Variants in CNOT10 observed in about 807,000 individuals in gnomAD.
The protein encoded by CNOT10 is CCR4-NOT transcription complex, subunit 10.
CNOT10 carries 30 observed loss-of-function variants against 94.6 expected under a neutral mutation model. That is an observed-to-expected ratio of 0.32 (90% CI 0.24 to 0.43). The LOEUF (loss-of-function observed/expected upper bound fraction) is 0.43. Among genes scored for constraint, CNOT10 ranks in the 20% least tolerant of loss-of-function variants. The probability of loss-of-function intolerance (pLI) is 1.00; values close to 1 mark genes in which losing one functional copy is unlikely to be tolerated. For missense variants in CNOT10, 759 were observed against 877.2 expected (o/e 0.87, Z 1.70); for synonymous variants, 289 against 301.6 (o/e 0.96, Z 0.43).
At chr3:32,764,602 G>A (rs1444885499) in intron 16 of CNOT10, 80 bp from the exon 17 acceptor site, 79 of 1,599,878 alleles carry the variant, frequency 4.9e-5, no homozygotes, top group Non-Finnish European at 8.5e-7. Flanking sequence ...GTGCCAAGTG[G>A]CTCCTCAAGG....
intron 8 of CNOT10, among the ~76,000 whole-genome samples, chr3:32,722,968 A>C (rs1240003321): frequency 6.6e-6 from 1 of 152,216 alleles, no homozygotes. Flanking sequence ...ATTTAAAAAT[A>C]TGTCAGAAGA....
chr3:32,728,132 G>A (rs1698768438), intron 10 of CNOT10, among the ~76,000 whole-genome samples: 1 of 151,902 alleles, frequency 6.6e-6, no homozygotes, highest in South Asian at 2.1e-4. Context: ...AAATAGCTGG[G>A]ACCACATGCA....
chr3:32,726,997 C>T (rs1334427594), intron 9 of CNOT10, among the ~76,000 whole-genome samples: 1 of 151,794 alleles, frequency 6.6e-6, no homozygotes, highest in African/African-American at 2.4e-5. Context: ...CAGGCACATG[C>T]CACCATGCCC....
intron 13 of CNOT10, chr3:32,753,043 C>A: frequency 4.0e-6 from 2 of 498,248 alleles, no homozygotes; most frequent in Non-Finnish European, 7.9e-6. Flanking sequence ...CCAAATGATG[C>A]ATAATATTAG....
At chr3:32,697,582 C>T (rs1472900462) in intron 1 of CNOT10, among the ~76,000 whole-genome samples, 1 of 152,116 alleles carries the variant, frequency 6.6e-6, no homozygotes, top group African/African-American at 2.4e-5. Flanking sequence ...ACGATTATCC[C>T]ACCTCACCTC....
intron 17 of CNOT10, among the ~76,000 whole-genome samples, chr3:32,768,426 A>G (rs1177409960): frequency 2.0e-5 from 3 of 152,138 alleles, no homozygotes; most frequent in East Asian, 1.9e-4. Flanking sequence ...TACTAAAAAT[A>G]CAAGAAATTA....
At chr3:32,704,046 A>T in intron 2 of CNOT10, 84 bp downstream of exon 2, 1 of 778,172 alleles carries the variant, frequency 1.3e-6, no homozygotes, top group African/African-American at 1.8e-5. Flanking sequence ...TTAAATTTAC[A>T]ATTTTTACTC....
chr3:32,752,725 C>T (rs556435290), intron 13 of CNOT10, among the ~76,000 whole-genome samples: 147 of 152,260 alleles, frequency 9.7e-4, no homozygotes, highest in African/African-American at 3.2e-3. Flanking sequence ...CCTGTAATCC[C>T]AGCACTTTGG....
chr3:32,770,483 G>A (rs372290784), intron 18 of CNOT10, among the ~76,000 whole-genome samples: 9 of 151,052 alleles, frequency 6.0e-5, no homozygotes, highest in Non-Finnish European at 4.4e-5. Flanking sequence ...CCGCCACCAC[G>A]CCCACCTAAT....
At chr3:32,721,046 CCTTT>C (rs1354110200) in intron 8 of CNOT10, among the ~76,000 whole-genome samples, 16 of 126,426 alleles carry the variant, frequency 1.3e-4, no homozygotes, top group African/African-American at 4.0e-4. Flanking sequence ...TCCTTCCCTT[CCTTT>C]CTTTCCTTTC....
chr3:32,768,323 T>G (rs930782457), intron 17 of CNOT10, among the ~76,000 whole-genome samples: 15 of 151,958 alleles, frequency 9.9e-5, no homozygotes, highest in Non-Finnish European at 1.5e-4. Context: ...GGCTCACATC[T>G]GTAATCCCAG....
chr3:32,685,614 C>T (rs1165901615), intron 1 of CNOT10, 132 bp downstream of exon 1: 3 of 961,070 alleles, frequency 3.1e-6, no homozygotes, highest in Non-Finnish European at 3.1e-6. Flanking sequence ...TTCTTTACCC[C>T]ATCCTCTGTC....
At chr3:32,728,752 G>A (rs889387863) in intron 10 of CNOT10, among the ~76,000 whole-genome samples, 2 of 152,186 alleles carry the variant, frequency 1.3e-5, no homozygotes, top group Non-Finnish European at 2.9e-5. Flanking sequence ...TGCTCCAGGG[G>A]TCAGGATACA....
At position 32,715,476 on chromosome 3, in the gene CNOT10, G is replaced by A. The variant is rs1698078990; in HGVS notation, c.574-749G>A. 2.6e-5 allele frequency among the ~76,000 whole-genome samples: 4 copies of A among 152,166 alleles called. No homozygotes were observed. In the South Asian group the frequency reaches 8.3e-4, roughly 31 times the overall value. Reference sequence around the variant, plus strand: ...GTGGGAGATGATGTTGGCAATATGAGTGTGAGTGATAGCTTGAAGAACTTT... The same window carrying A: ...GTGGGAGATGATGTTGGCAATATGAATGTGAGTGATAGCTTGAAGAACTTT... On this transcript the variant is annotated intron_variant, in intron 5 of 18. Transcript: ENST00000328834.
chr3:32,759,705 C>G, intron 14 of CNOT10, 134 bp downstream of exon 14: 2 of 692,372 alleles, frequency 2.9e-6, no homozygotes, highest in South Asian at 1.8e-5. Flanking sequence ...TTTAAAAGAA[C>G]GTTTTTTAAC....
intron 8 of CNOT10, among the ~76,000 whole-genome samples, chr3:32,723,264 G>A (rs1169868711): frequency 2.6e-5 from 4 of 151,986 alleles, no homozygotes; most frequent in Non-Finnish European, 4.4e-5. Context: ...GTGGTGGCGG[G>A]CGCCTGTAGT....
intron 1 of CNOT10, among the ~76,000 whole-genome samples, chr3:32,703,139 T>C (rs1168307113): frequency 6.7e-6 from 1 of 148,330 alleles, no homozygotes; most frequent in Non-Finnish European, 1.5e-5. Context: ...TTAGCCAGGA[T>C]GGTCTCGATC....
intron 10 of CNOT10, among the ~76,000 whole-genome samples, chr3:32,732,653 C>T (rs893900168): frequency 3.3e-5 from 5 of 151,760 alleles, no homozygotes; most frequent in Non-Finnish European, 7.4e-5. Flanking sequence ...GTTGCCCAGG[C>T]TGGTCTCACA....
At chr3:32,687,277 C>G (rs750735419) in intron 1 of CNOT10, among the ~76,000 whole-genome samples, 6 of 151,804 alleles carry the variant, frequency 4.0e-5, no homozygotes, top group Non-Finnish European at 8.8e-5. Context: ...ATCCATTTTC[C>G]TCACTGTCGC....
Sources: allele counts gnomAD v4.1 joint callset (sites outside exome capture counted in the v4.1 genomes callset), GRCh38; gene constraint gnomAD v4.1.1; transcripts MANE v1.5; gene names NCBI Gene and HGNC (gene_info 2026-07-23, HGNC 2026-07-21).